C3: variants seen among roughly 807,000 people sequenced by gnomAD.
C3 encodes complement C3, also known as C3 and PZP-like alpha-2-macroglobulin domain-containing protein 1.
Under a neutral mutation model 207.9 loss-of-function variants are expected in C3, and 97 were observed. The ratio of observed to expected loss-of-function variants is 0.47; its 90% confidence interval spans 0.40 to 0.55. The LOEUF is 0.55. Ranked by LOEUF, C3 falls within the 20% of genes least tolerant of loss-of-function variation. C3 has a pLI of 0.00. For synonymous variants in C3, 848 were observed against 857.6 expected (o/e 0.99, Z 0.20); for missense variants, 1,684 against 2,171.7 (o/e 0.78, Z 4.46).
intron 11 of C3, 127 bp downstream of exon 11, chr19:6,712,130 G>A (rs968297458): frequency 8.9e-6 from 11 of 1,234,120 alleles, no homozygotes; most frequent in African/African-American, 4.4e-5. Context: ...ACCCCTCTGC[G>A]CAGGAGAGAA....
At chr19:6,714,475 G>C (rs776632087) in intron 4 of C3, 29 bp from the exon 5 acceptor site, 26 of 1,544,420 alleles carry the variant, frequency 1.7e-5, no homozygotes, top group Non-Finnish European at 2.3e-5. Context: ...AAGGATAGAG[G>C]ATAAAGTGGC....
chr19:6,714,106 G>A (rs1475554939), intron 6 of C3, 24 bp from the exon 7 acceptor site: 1 of 1,610,506 alleles, frequency 6.2e-7, no homozygotes. Flanking sequence ...GGCGTTGGTG[G>A]GGCCGGCGCT....
rs747325533 is a variant in C3, at chr19:6,719,533, C to T, written c.75-130G>A. Reference sequence around the variant, plus strand: ...CTGGAGAGGATCCAGTGACTGCCGGCGCACTTGCCAATGCCATTATCTTCT... The same window carrying T: ...CTGGAGAGGATCCAGTGACTGCCGGTGCACTTGCCAATGCCATTATCTTCT... On this transcript the variant is annotated intron_variant, in intron 1 of 40. Transcript: ENST00000245907. The surrounding 1 kb of genome is among the most constrained non-coding windows in gnomAD (Gnocchi z 5.4). 2.8e-5 allele frequency: 22 copies of T among 781,330 alleles called. No individual in the cohort carries two copies. The highest frequency in any genetic ancestry group is 4.0e-5 in the Non-Finnish European group (19 of 470,472). The allele number at this position is 781,330 out of a possible 1,614,324, so 48.4% of individuals were successfully genotyped here. A position where few individuals can be genotyped will look rare whatever the true frequency, so the allele number is the denominator to read the frequency against.
chr19:6,699,090 C>G (rs1967596246), intron 19 of C3, among the ~76,000 whole-genome samples: 1 of 152,056 alleles, frequency 6.6e-6, no homozygotes, highest in African/African-American at 2.4e-5. Context: ...GCCACCGTGC[C>G]CGACCTGAGT....
At chr19:6,710,092 G>A (rs1461266288) in intron 13 of C3, among the ~76,000 whole-genome samples, 3 of 134,062 alleles carry the variant, frequency 2.2e-5, no homozygotes, top group African/African-American at 5.7e-5. Flanking sequence ...GGAGAGAGAC[G>A]GAGAGACAGA....
intron 17 of C3, among the ~76,000 whole-genome samples, chr19:6,706,105 G>A (rs961351779): frequency 2.6e-5 from 4 of 152,224 alleles, no homozygotes; most frequent in Admixed American, 2.6e-4. Flanking sequence ...TTCACTCATC[G>A]AGTTTGGCAG....
chr19:6,708,456 T>A (rs1967831857), intron 14 of C3, among the ~76,000 whole-genome samples: 1 of 151,728 alleles, frequency 6.6e-6, no homozygotes, highest in African/African-American at 2.4e-5. Context: ...GCCTTCTTTT[T>A]CTTTTCTTTC....
At chr19:6,696,746 G>T in intron 21 of C3, 87 bp from the exon 22 acceptor site, 1 of 1,331,230 alleles carries the variant, frequency 7.5e-7, no homozygotes, top group Middle Eastern at 1.9e-4. Flanking sequence ...CTGTCCTTAG[G>T]ATCACCCTAG....
intron 27 of C3, among the ~76,000 whole-genome samples, chr19:6,689,367 CTCT>C: frequency 7.7e-6 from 1 of 129,076 alleles, no homozygotes; most frequent in African/African-American, 3.3e-5. Flanking sequence ...CTCCCTCTCT[CTCT>C]CTCTCTCTCT....
chr19:6,694,433 T>A lies in C3; in HGVS notation c.3152A>T (p.Lys1051Met), dbSNP rs575541524. 8 of 1,613,646 alleles carry A rather than the reference T, an allele frequency of 5.0e-6. No homozygotes were observed. The highest frequency in any genetic ancestry group is 6.8e-6 in the Non-Finnish European group (8 of 1,179,714). ...KRQGALELIKKGYTQQLAFRQ... is the reference protein window; with the variant it reads ...KRQGALELIKMGYTQQLAFRQ... ...TCCAAGAGGGGCAGGGAGCCCACCC[T>A]TCTTGATGAGCTCCAAGGCCCCCTG... Residue 1051 changes from lysine to methionine, a missense_variant and splice_region_variant, in exon 24 of 41, where the codon AAG becomes ATG. Around this residue, in one of 3 missense-constraint regions of C3, gnomAD observed 1,280 missense variants for 1,739.1 expected, o/e 0.74. Transcript: ENST00000245907.
At chr19:6,701,893 T>A (rs1248617706) in intron 19 of C3, among the ~76,000 whole-genome samples, 2 of 152,154 alleles carry the variant, frequency 1.3e-5, no homozygotes, top group African/African-American at 4.8e-5. Context: ...GTTTCTTCCT[T>A]CAATAAACTC....
At chr19:6,708,745 G>A (rs1366459041) in intron 14 of C3, among the ~76,000 whole-genome samples, 1 of 145,496 alleles carries the variant, frequency 6.9e-6, no homozygotes, top group East Asian at 2.0e-4. Flanking sequence ...GGAGTGCAGT[G>A]GTGCAGGCAT....
chr19:6,715,071 A>G (rs2145433205), intron 4 of C3, among the ~76,000 whole-genome samples: 1 of 152,256 alleles, frequency 6.6e-6, no homozygotes, highest in Non-Finnish European at 1.5e-5. Context: ...CTCTCTGAAT[A>G]CTAATAACTA....
In C3 at chr19:6,685,170, T is replaced by C. The variant is rs920519323; in HGVS notation, c.3811-24A>G. The C allele has an allele frequency of 4.3e-6, 7 of 1,610,710 alleles. No homozygotes were observed. The Admixed American group carries it at 5.0e-5, about 12-fold the overall frequency. ...GCCTAGAACCCACAAGAGAGAAAGA[T>C]GGTGATCTGGGAGCCTGGGAAAGTG... On this transcript the variant is annotated intron_variant, in intron 29 of 40. Transcript: ENST00000245907.
intron 4 of C3, chr19:6,717,621 TGATA>T (rs1968063669): frequency 1.1e-5 from 3 of 276,604 alleles, no homozygotes; most frequent in Non-Finnish European, 7.1e-6. Context: ...GTGTGTTGTG[TGATA>T]GTGTTGTGTG....
At chr19:6,698,536 GACTTAA>G (rs1199124812) in intron 19 of C3, among the ~76,000 whole-genome samples, 1 of 152,046 alleles carries the variant, frequency 6.6e-6, no homozygotes, top group Non-Finnish European at 1.5e-5. Context: ...ATTTAATTCA[GACTTAA>G]ACTTTAAACC....
intron 4 of C3, chr19:6,717,865 C>A: frequency 1.6e-6 from 1 of 626,020 alleles, no homozygotes. Flanking sequence ...ATTGTGTGTG[C>A]ACATGTGTCT....
chr19:6,696,596 G>A lies in C3; in HGVS notation c.2860C>T (p.Arg954Cys), dbSNP rs922362504. 1.7e-5 allele frequency: 28 copies of A among 1,613,662 alleles called. No individual in the cohort carries two copies. The highest frequency in any genetic ancestry group is 2.3e-5 in the Non-Finnish European group (27 of 1,179,830). The change falls in exon 22 of 41, where the codon CGT becomes TGT. Residue 954 changes from arginine to cysteine, a missense_variant. Physicochemically the swap from Arg to Cys is radical, Grantham distance 180. This residue lies in a region of C3 where 1,280 missense variants were observed against 1,739.1 expected (regional missense o/e 0.74). Transcript: ENST00000245907. ...CCTCCCCCTGCAGCCGACTCACCAC[G>A]GCCCAGGCGTTCTGGATCCAGGGTG... ...VRTLDPERLGREGVQKEDIPP... is the reference protein window; with the variant it reads ...VRTLDPERLGCEGVQKEDIPP...
intron 14 of C3, among the ~76,000 whole-genome samples, chr19:6,708,196 G>T (rs1369729430): frequency 6.6e-6 from 1 of 151,846 alleles, no homozygotes; most frequent in Non-Finnish European, 1.5e-5. Context: ...GAGTGCAGTG[G>T]TGTGATCTCC....
Sources: allele counts gnomAD v4.1 joint callset (sites outside exome capture counted in the v4.1 genomes callset), GRCh38; gene constraint gnomAD v4.1.1; regional missense constraint gnomAD v4.1.1; non-coding constraint Gnocchi (gnomAD v3.1); transcripts MANE v1.5; gene names NCBI Gene and HGNC (gene_info 2026-07-23, HGNC 2026-07-21).